Variants in TTC34 observed in about 807,000 individuals in gnomAD.
The protein encoded by TTC34 is tetratricopeptide repeat domain 34.
In TTC34, 44 loss-of-function variants were observed where a neutral mutation model predicts 40.7. That is an observed-to-expected ratio of 1.08 (90% CI 0.85 to 1.39). The LOEUF (loss-of-function observed/expected upper bound fraction) is 1.39. Among genes scored for constraint, TTC34 ranks in the 40% most tolerant of loss-of-function variants. TTC34 has a pLI of 0.00. For missense variants in TTC34, 884 were observed against 838.0 expected (o/e 1.05, Z -0.68); for synonymous variants, 422 against 398.6 (o/e 1.06, Z -0.70).
chr1:2,690,419 A>C lies in TTC34; in HGVS notation c.2227-44856T>G, dbSNP rs1306898210. 1.4e-3 allele frequency among the ~76,000 whole-genome samples: 182 copies of C among 131,448 alleles called. 1 individual carries two copies. Among genetic ancestry groups the C allele is most frequent in the South Asian group, 2.2e-3 (9 of 4,074 alleles). 86.2% of individuals were successfully genotyped at this position (131,448 alleles called of 152,430 possible). On this transcript the variant is annotated intron_variant, in intron 6 of 8. Coordinates refer to ENST00000401095, the Ensembl canonical transcript of TTC34. Reference sequence around the variant, plus strand: ...CTGACCCAACGGAGCAGAACCCAGAACCCCAGGCGAGCATCTGACAGCCTG... The same window carrying C: ...CTGACCCAACGGAGCAGAACCCAGACCCCCAGGCGAGCATCTGACAGCCTG...
rs1641226498 is a variant in TTC34 at position 2,748,771 on chromosome 1, G to A, written c.2226+34838C>T. Among the ~76,000 whole-genome samples the A allele has an allele frequency of 6.6e-5, 9 of 136,994 alleles. 1 individual carries two copies. Among genetic ancestry groups the A allele is most frequent in the Non-Finnish European group, 1.4e-4 (9 of 65,136 alleles). 89.9% of individuals were successfully genotyped at this position (136,994 alleles called of 152,430 possible). Reference sequence around the variant, plus strand: ...GAACAGCACCCACACCCCTAGGAGAGCATCCGGCAGCCTGGAGCGGAACCC... The same window carrying A: ...GAACAGCACCCACACCCCTAGGAGAACATCCGGCAGCCTGGAGCGGAACCC... On this transcript the variant is annotated intron_variant, in intron 6 of 8. Transcript: ENST00000401095.
At chr1:2,699,331 C>G (rs566289198) in intron 6 of TTC34, among the ~76,000 whole-genome samples, 1 of 134,826 alleles carries the variant, frequency 7.4e-6, no homozygotes, top group South Asian at 2.4e-4. Flanking sequence ...GCAGCCACAA[C>G]TCCAGGCGAG....
chr1:2,761,325 C>A (rs1641678201), intron 6 of TTC34, among the ~76,000 whole-genome samples: 7 of 83,712 alleles, frequency 8.4e-5, no homozygotes, highest in East Asian at 3.5e-4. Context: ...CACCCACAAC[C>A]CCAGGTGAGT....
rs1431445574 is a variant in TTC34, at chr1:2,749,730, G to C, written c.2226+33879C>G. ...GTCTGGAACAGCACGCACAACCCCA[G>C]GTGAGCATCTGACAGACTGGAACAG... is the stretch of plus-strand genomic sequence containing the variant. On this transcript the variant is annotated intron_variant, in intron 6 of 8. Coordinates refer to ENST00000401095, the Ensembl canonical transcript of TTC34. Among the ~76,000 whole-genome samples, 6 of 74,480 alleles carry C rather than the reference G, an allele frequency of 8.1e-5. 2 individuals are homozygous for C. The highest frequency in any genetic ancestry group is 1.0e-4 in the Non-Finnish European group (4 of 39,706). The allele number at this position is 74,480 out of a possible 152,430, so 48.9% of individuals were successfully genotyped here.
At chr1:2,759,901 G>T (rs1641638167) in intron 6 of TTC34, among the ~76,000 whole-genome samples, 3 of 143,324 alleles carry the variant, frequency 2.1e-5, no homozygotes, top group Admixed American at 1.4e-4. Flanking sequence ...GCATCTGACA[G>T]CCTGGAACAT....
At position 2,681,951 on chromosome 1, in the gene TTC34, G is replaced by C. The variant is rs867868800; in HGVS notation, c.2227-36388C>G. 1.9e-4 allele frequency among the ~76,000 whole-genome samples: 22 copies of C among 118,304 alleles called. 1 individual carries two copies. The South Asian group carries it at 5.6e-3, about 30-fold the overall frequency. The allele number at this position is 118,304 out of a possible 152,430, so 77.6% of individuals were successfully genotyped here. ...GCCTGGAACAGCACCAACACCCCAA[G>C]GCGAGCATCTGACGGCCTGGAACAG... On this transcript the variant is annotated intron_variant, in intron 6 of 8. Coordinates refer to ENST00000401095, the Ensembl canonical transcript of TTC34.
intron 6 of TTC34, among the ~76,000 whole-genome samples, chr1:2,699,406 C>A (rs1641023466): frequency 1.0e-5 from 1 of 98,588 alleles, no homozygotes; most frequent in Admixed American, 1.1e-4. Flanking sequence ...GGAACAGCAC[C>A]CCACACCCCA....
Position 2,645,587 on chromosome 1 carries a change from G to GGGGGGGGC in TTC34, c.2227-25_2227-24insGCCCCCCC. 1 of 229,534 alleles carries GGGGGGGGC rather than the reference G, an allele frequency of 4.4e-6. No individual in the cohort carries two copies. The highest frequency in any genetic ancestry group is 8.6e-6 in the Non-Finnish European group (1 of 116,456). 14.2% of individuals were successfully genotyped at this position (229,534 alleles called of 1,614,324 possible). A position where few individuals can be genotyped will look rare whatever the true frequency, so the allele number is the denominator to read the frequency against. On this transcript the variant is annotated intron_variant, in intron 6 of 8. Coordinates refer to ENST00000401095, the Ensembl canonical transcript of TTC34. The surrounding 1 kb of genome is among the most constrained non-coding windows in gnomAD (Gnocchi z 4.7). ...TCCTGCAAGGAGGGAGGGCGGGCGGGTGCAGAGTTGTCCTAAGTAGAGAAA... is the reference window on the plus strand; with the variant it reads ...TCCTGCAAGGAGGGAGGGCGGGCGGGGGGGGGGCTGCAGAGTTGTCCTAAGTAGAGAAA...
At position 2,656,351 on chromosome 1, in the gene TTC34, T is replaced by C. The variant is rs1230043394; in HGVS notation, c.2227-10788A>G. On this transcript the variant is annotated intron_variant, in intron 6 of 8. Coordinates refer to ENST00000401095, the Ensembl canonical transcript of TTC34. ...GCACTCACACCCCCAGGTGAGCATC[T>C]GACAGCCTGGAACAGCACCCACACC... Among the ~76,000 whole-genome samples the C allele has an allele frequency of 5.2e-4, 72 of 138,638 alleles. No homozygotes were observed. In the Middle Eastern group the frequency reaches 0.015, roughly 28 times the overall value. 91.0% of individuals were successfully genotyped at this position (138,638 alleles called of 152,430 possible). A position where few individuals can be genotyped will look rare whatever the true frequency, so the allele number is the denominator to read the frequency against.
At chr1:2,758,323 GA>G (rs1641574017) in intron 6 of TTC34, among the ~76,000 whole-genome samples, 1 of 86,626 alleles carries the variant, frequency 1.2e-5, no homozygotes, top group Non-Finnish European at 2.1e-5. Context: ...ACGCCCAGAT[GA>G]GCATCTGACA....
At chr1:2,777,853 G>C (rs997327298) in intron 6 of TTC34, among the ~76,000 whole-genome samples, 1 of 152,234 alleles carries the variant, frequency 6.6e-6, no homozygotes, top group Non-Finnish European at 1.5e-5. Context: ...AGCGGGAGGA[G>C]GGGACAGGAT....
chr1:2,688,428 C>G (rs796816649), intron 6 of TTC34, among the ~76,000 whole-genome samples: 2 of 122,132 alleles, frequency 1.6e-5, no homozygotes, highest in Admixed American at 8.3e-5. Flanking sequence ...GAGCATCCGA[C>G]AGCCTGGAGC....
At chr1:2,767,962 C>T (rs1317551675) in intron 6 of TTC34, among the ~76,000 whole-genome samples, 3 of 150,688 alleles carry the variant, frequency 2.0e-5, no homozygotes, top group South Asian at 4.3e-4. Flanking sequence ...TGGAACAGCA[C>T]CCCCACTCAC....
At chr1:2,749,249 G>A (rs1325444643) in intron 6 of TTC34, among the ~76,000 whole-genome samples, 4 of 68,260 alleles carry the variant, frequency 5.9e-5, no homozygotes, top group African/African-American at 3.6e-4. Context: ...ACACCCCCAT[G>A]TGAGCATCTG....
intron 6 of TTC34, among the ~76,000 whole-genome samples, chr1:2,768,154 C>G (rs988056059): frequency 2.6e-5 from 4 of 151,572 alleles, no homozygotes; most frequent in Non-Finnish European, 4.4e-5. Flanking sequence ...AAGCCTGGAT[C>G]AACACTCGAA....
chr1:2,686,979 C>CGCCAGCCTGGAACT (rs1640389017), intron 6 of TTC34, among the ~76,000 whole-genome samples: 1 of 117,076 alleles, frequency 8.5e-6, no homozygotes, highest in Non-Finnish European at 1.7e-5. Context: ...GGCGAGCATC[C>CGCCAGCCTGGAACT]GCCAGCCTGG....
chr1:2,688,364 C>G (rs1396054667), intron 6 of TTC34, among the ~76,000 whole-genome samples: 1 of 150,830 alleles, frequency 6.6e-6, no homozygotes, highest in East Asian at 1.9e-4. Context: ...GGAGCAGCAC[C>G]CACACGCCCA....
At chr1:2,787,675 G>A (rs1251799287) in exon 4 of TTC34, 2 of 1,548,196 alleles carry the variant, frequency 1.3e-6, no homozygotes, top group South Asian at 1.2e-5. Flanking sequence ...TCCATCAGCA[G>A]TGTGGCCAGC....
chr1:2,693,751 AG>A (rs1557623071), intron 6 of TTC34, among the ~76,000 whole-genome samples: 1 of 79,138 alleles, frequency 1.3e-5, no homozygotes, highest in African/African-American at 4.3e-5. Flanking sequence ...CCACACCTCC[AG>A]GCGAGCATCC....
Sources: allele counts gnomAD v4.1 joint callset (sites outside exome capture counted in the v4.1 genomes callset), GRCh38; gene constraint gnomAD v4.1.1; non-coding constraint Gnocchi (gnomAD v3.1); transcripts MANE v1.5; gene names NCBI Gene and HGNC (gene_info 2026-07-23, HGNC 2026-07-21).